Variants in AGBL4 observed in about 807,000 individuals in gnomAD.
The protein encoded by AGBL4 is cytosolic carboxypeptidase 6.
In AGBL4, 58 loss-of-function variants were observed where a neutral mutation model predicts 66.4. The observed-to-expected ratio is 0.87, with a 90% CI of 0.71 to 1.09. The LOEUF (loss-of-function observed/expected upper bound fraction) is 1.09. AGBL4 is among the 50% of genes least tolerant of loss of function. The probability of loss-of-function intolerance (pLI) is 0.00; values close to 1 mark genes in which losing one functional copy is unlikely to be tolerated. For synonymous variants in AGBL4, 234 were observed against 222.9 expected (o/e 1.05, Z -0.44); for missense variants, 579 against 631.0 (o/e 0.92, Z 0.88).
At chr1:49,225,307 T>C (rs1649829181) in intron 4 of AGBL4, among the ~76,000 whole-genome samples, 1 of 152,236 alleles carries the variant, frequency 6.6e-6, no homozygotes, top group African/African-American at 2.4e-5. Flanking sequence ...TGGAATTGAA[T>C]TGATAGTGAA....
chr1:49,176,851 T>C (rs1222577915), intron 4 of AGBL4, among the ~76,000 whole-genome samples: 3 of 152,136 alleles, frequency 2.0e-5, no homozygotes, highest in Non-Finnish European at 2.9e-5. Context: ...AACATGTGCA[T>C]ACTAAGTCCT....
intron 5 of AGBL4, among the ~76,000 whole-genome samples, chr1:49,025,292 G>A (rs1209806969): frequency 6.6e-6 from 1 of 152,072 alleles, no homozygotes; most frequent in African/African-American, 2.4e-5. Flanking sequence ...CCACTAATTC[G>A]CTGGGTGACT....
At chr1:49,392,855 T>C (rs1205032376) in intron 3 of AGBL4, among the ~76,000 whole-genome samples, 1 of 152,358 alleles carries the variant, frequency 6.6e-6, no homozygotes, top group African/African-American at 2.4e-5. Context: ...GAAGTTTCCA[T>C]GTTTTTCATG....
At chr1:49,097,811 C>T (rs1645133898) in intron 4 of AGBL4, among the ~76,000 whole-genome samples, 1 of 152,212 alleles carries the variant, frequency 6.6e-6, no homozygotes, top group African/African-American at 2.4e-5. Context: ...AAGCTCTTGG[C>T]CTCAAGTAAT....
At chr1:48,787,561 G>A (rs1645439182) in intron 6 of AGBL4, among the ~76,000 whole-genome samples, 1 of 152,078 alleles carries the variant, frequency 6.6e-6, no homozygotes. Flanking sequence ...ATATTATAAT[G>A]GAAAACTGAC....
chr1:49,350,209 G>GTTTTT (rs1378236184), intron 3 of AGBL4, among the ~76,000 whole-genome samples: 60 of 136,258 alleles, frequency 4.4e-4, no homozygotes, highest in African/African-American at 1.5e-3. Context: ...GTTTTGTTTT[G>GTTTTT]TTTTTTTTTT....
At chr1:49,034,783 A>G (rs1334286249) in intron 5 of AGBL4, among the ~76,000 whole-genome samples, 1 of 152,028 alleles carries the variant, frequency 6.6e-6, no homozygotes, top group Non-Finnish European at 1.5e-5. Flanking sequence ...CATGACTGTA[A>G]GTTTCCTGAG....
intron 3 of AGBL4, among the ~76,000 whole-genome samples, chr1:49,252,734 A>G (rs981919157): frequency 1.8e-4 from 27 of 152,292 alleles, no homozygotes; most frequent in African/African-American, 5.3e-4. Flanking sequence ...TACAAGACAA[A>G]AGACATTTAG....
chr1:49,886,648 G>A (rs1047724564), intron 1 of AGBL4, among the ~76,000 whole-genome samples: 1 of 152,146 alleles, frequency 6.6e-6, no homozygotes, highest in African/African-American at 2.4e-5. Context: ...AGGAGTGTTA[G>A]AGGAGCAAGA....
chr1:48,829,534 C>T (rs1646503044), intron 6 of AGBL4, among the ~76,000 whole-genome samples: 1 of 152,068 alleles, frequency 6.6e-6, no homozygotes, highest in Non-Finnish European at 1.5e-5. Context: ...ATAAGTTCTG[C>T]CCTATGGGGT....
At chr1:49,904,676 G>A (rs1342121645) in intron 1 of AGBL4, among the ~76,000 whole-genome samples, 1 of 152,136 alleles carries the variant, frequency 6.6e-6, no homozygotes, top group Non-Finnish European at 1.5e-5. Flanking sequence ...TTCTATTTCT[G>A]AAAGTTGCAG....
intron 2 of AGBL4, among the ~76,000 whole-genome samples, chr1:49,835,364 G>A (rs1253738515): frequency 1.3e-5 from 2 of 152,122 alleles, no homozygotes; most frequent in Admixed American, 6.5e-5. Flanking sequence ...TTGGTTTAAA[G>A]TCTGTTTTAT....
intron 6 of AGBL4, among the ~76,000 whole-genome samples, chr1:48,664,091 T>G (rs1303854490): frequency 1.3e-5 from 2 of 152,210 alleles, no homozygotes; most frequent in African/African-American, 2.4e-5. Context: ...CCTGGCTTTT[T>G]GCCTGATGAT....
intron 6 of AGBL4, among the ~76,000 whole-genome samples, chr1:48,845,700 C>A (rs1646893709): frequency 6.6e-6 from 1 of 152,186 alleles, no homozygotes; most frequent in Admixed American, 6.5e-5. Flanking sequence ...TAAAGAGCAT[C>A]TATATGCCAG....
chr1:48,813,182 G>A (rs12074876), intron 6 of AGBL4, among the ~76,000 whole-genome samples: 10,609 of 152,132 alleles, frequency 0.07, 499 homozygotes, highest in East Asian at 0.17. Context: ...ACACAGAAGA[G>A]GCACCTAACC....
intron 6 of AGBL4, among the ~76,000 whole-genome samples, chr1:48,799,365 A>G (rs1021392654): frequency 6.6e-5 from 10 of 152,126 alleles, no homozygotes; most frequent in Admixed American, 2.6e-4. Flanking sequence ...ACTTTAGTGA[A>G]TTCATTTATC....
intron 6 of AGBL4, among the ~76,000 whole-genome samples, chr1:48,796,721 A>G (rs922360611): frequency 1.3e-5 from 2 of 152,176 alleles, no homozygotes; most frequent in Admixed American, 6.5e-5. Flanking sequence ...GATTTCAAAG[A>G]TCTCAGCTGG....
chr1:49,067,383 T>C (rs1057509917), intron 4 of AGBL4, among the ~76,000 whole-genome samples: 1 of 152,210 alleles, frequency 6.6e-6, no homozygotes, highest in Non-Finnish European at 1.5e-5. Flanking sequence ...AATAGGTTAG[T>C]CTCAGGACTA....
intron 1 of AGBL4, among the ~76,000 whole-genome samples, chr1:49,951,886 C>T (rs978302532): frequency 4.0e-5 from 6 of 151,614 alleles, no homozygotes; most frequent in African/African-American, 7.3e-5. Context: ...ATGGTTATAC[C>T]GCTACCTTAT....
Sources: allele counts gnomAD v4.1 joint callset (sites outside exome capture counted in the v4.1 genomes callset), GRCh38; gene constraint gnomAD v4.1.1; transcripts MANE v1.5; gene names NCBI Gene and HGNC (gene_info 2026-07-23, HGNC 2026-07-21).